GMDS: variants seen among roughly 807,000 people sequenced by gnomAD.
GMDS encodes the protein GDP-mannose 4,6-dehydratase.
GMDS carries 20 observed loss-of-function variants against 49.9 expected under a neutral mutation model. The ratio of observed to expected loss-of-function variants is 0.40; its 90% CI spans 0.28 to 0.58. GMDS has a LOEUF of 0.58. Among genes scored for constraint, GMDS ranks in the 20% least tolerant of loss-of-function variants. The probability of loss-of-function intolerance (pLI) is 0.42; values close to 1 mark genes in which losing one functional copy is unlikely to be tolerated. For synonymous variants in GMDS, 177 were observed against 178.6 expected (o/e 0.99, Z 0.07); for missense variants, 362 against 481.4 (o/e 0.75, Z 2.32).
At chr6:1,914,313 T>C (rs753974525) in intron 7 of GMDS, among the ~76,000 whole-genome samples, 1 of 150,942 alleles carries the variant, frequency 6.6e-6, no homozygotes. Flanking sequence ...AAAGTTAGCC[T>C]GGCGTGGTGG....
chr6:1,694,011 TC>T, intron 9 of GMDS, among the ~76,000 whole-genome samples: 1 of 152,288 alleles, frequency 6.6e-6, no homozygotes, highest in East Asian at 1.9e-4. Context: ...AAAACAAGTT[TC>T]TCCAATTCCA....
At chr6:2,155,091 T>A (rs879775100) in intron 1 of GMDS, among the ~76,000 whole-genome samples, 2 of 152,070 alleles carry the variant, frequency 1.3e-5, no homozygotes, top group Non-Finnish European at 2.9e-5. Context: ...ACATTTCCCA[T>A]ACTGGCACAA....
intron 7 of GMDS, among the ~76,000 whole-genome samples, chr6:1,780,234 C>T (rs985394678): frequency 6.6e-6 from 1 of 152,154 alleles, no homozygotes; most frequent in African/African-American, 2.4e-5. Flanking sequence ...ATTTCTAATC[C>T]TTTGGCAATG....
At chr6:2,017,534 C>T (rs1430191458) in intron 4 of GMDS, among the ~76,000 whole-genome samples, 1 of 152,120 alleles carries the variant, frequency 6.6e-6, no homozygotes, top group African/African-American at 2.4e-5. Flanking sequence ...GTCTCGTACT[C>T]CCTACCTCAG....
intron 7 of GMDS, among the ~76,000 whole-genome samples, chr6:1,777,145 T>G (rs557070768): frequency 3.9e-5 from 6 of 152,372 alleles, no homozygotes; most frequent in Admixed American, 2.0e-4. Context: ...CATATGGGCA[T>G]GGGCCATACC....
In GMDS at chr6:2,004,571, A is replaced by C. The variant is rs12193559; in HGVS notation, c.346-43605T>G. 9.4e-3 allele frequency among the ~76,000 whole-genome samples: 1,429 copies of C among 152,290 alleles called. 8 individuals carry two copies. The highest frequency in any genetic ancestry group is 0.016 in the Non-Finnish European group (1,059 of 68,010). ...CTGACAGCTCATAGTTGCTTAACAC[A>C]GGGGAGCTTGATACAAAGACACATC... On this transcript the variant is annotated intron_variant, in intron 4 of 10. Coordinates refer to ENST00000380815, the MANE Select transcript of GMDS (RefSeq NM_001500.4).
At chr6:2,044,700 C>T (rs754772503) in intron 4 of GMDS, among the ~76,000 whole-genome samples, 1 of 151,984 alleles carries the variant, frequency 6.6e-6, no homozygotes, top group Non-Finnish European at 1.5e-5. Context: ...GCACGTGTAC[C>T]CCTGAACTTT....
intron 4 of GMDS, among the ~76,000 whole-genome samples, chr6:2,113,302 T>A (rs1267608797): frequency 6.6e-6 from 1 of 152,038 alleles, no homozygotes; most frequent in East Asian, 1.9e-4. Context: ...CACCCCCATT[T>A]CTAGTGACAC....
intron 6 of GMDS, among the ~76,000 whole-genome samples, chr6:1,948,045 T>G (rs1763169848): frequency 6.6e-6 from 1 of 152,218 alleles, no homozygotes; most frequent in Admixed American, 6.5e-5. Flanking sequence ...TGCTAATAAC[T>G]TCACTTCCAC....
At chr6:1,740,019 C>G (rs1767201042) in intron 8 of GMDS, among the ~76,000 whole-genome samples, 1 of 152,144 alleles carries the variant, frequency 6.6e-6, no homozygotes, top group Non-Finnish European at 1.5e-5. Context: ...TGGAGCATAA[C>G]AGGACACTCC....
At chr6:1,680,449 T>C (rs1351954380) in intron 9 of GMDS, among the ~76,000 whole-genome samples, 2 of 152,080 alleles carry the variant, frequency 1.3e-5, no homozygotes, top group Non-Finnish European at 2.9e-5. Context: ...ACATTGCTAG[T>C]TCTCCTCTTA....
At chr6:2,028,148 T>C (rs1432097532) in intron 4 of GMDS, among the ~76,000 whole-genome samples, 1 of 152,226 alleles carries the variant, frequency 6.6e-6, no homozygotes, top group Non-Finnish European at 1.5e-5. Flanking sequence ...CAAACATCTT[T>C]ATGTGTAAAA....
intron 7 of GMDS, among the ~76,000 whole-genome samples, chr6:1,818,285 G>A (rs997165943): frequency 7.2e-5 from 11 of 151,926 alleles, no homozygotes; most frequent in Admixed American, 2.6e-4. Context: ...TTTTTCTAAC[G>A]AGTGAAAGTT....
At chr6:1,711,945 C>G (rs927214328) in intron 9 of GMDS, among the ~76,000 whole-genome samples, 38 of 152,164 alleles carry the variant, frequency 2.5e-4, no homozygotes, top group African/African-American at 9.2e-4. Flanking sequence ...AACATGCCCC[C>G]CAAAGCCCCA....
intron 4 of GMDS, among the ~76,000 whole-genome samples, chr6:1,988,870 A>G (rs1317661833): frequency 6.6e-6 from 1 of 152,054 alleles, no homozygotes; most frequent in Non-Finnish European, 1.5e-5. Flanking sequence ...GAGAACCAAA[A>G]AAAAAAAGCT....
At chr6:2,175,714 C>A (rs1411048977) in intron 1 of GMDS, among the ~76,000 whole-genome samples, 1 of 152,178 alleles carries the variant, frequency 6.6e-6, no homozygotes, top group Non-Finnish European at 1.5e-5. Flanking sequence ...AGATACACTG[C>A]CCCTCTCATG....
intron 1 of GMDS, among the ~76,000 whole-genome samples, chr6:2,165,377 T>C (rs1352033590): frequency 6.6e-6 from 1 of 152,222 alleles, no homozygotes; most frequent in Non-Finnish European, 1.5e-5. Context: ...TATTTCACTT[T>C]GAGTCCAAAG....
chr6:2,215,290 A>T (rs1780274523), intron 1 of GMDS, among the ~76,000 whole-genome samples: 1 of 152,210 alleles, frequency 6.6e-6, no homozygotes, highest in Admixed American at 6.5e-5. Context: ...CAAGCTGCTG[A>T]TAAAGACATA....
intron 4 of GMDS, among the ~76,000 whole-genome samples, chr6:1,961,372 T>C (rs942689076): frequency 2.0e-5 from 3 of 152,210 alleles, no homozygotes; most frequent in Non-Finnish European, 4.4e-5. Context: ...GATTTTTATG[T>C]ACAGAGAAGT....
Sources: gnomAD v4.1 joint callset for allele counts (sites outside exome capture counted in the v4.1 genomes callset) on GRCh38, gnomAD v4.1.1 for gene constraint, MANE v1.5 for transcripts, NCBI Gene and HGNC (gene_info 2026-07-23, HGNC 2026-07-21) for gene names.